ADGRG7: variants seen among roughly 807,000 people sequenced by gnomAD.
ADGRG7 encodes adhesion G protein-coupled receptor G7.
A neutral mutation model predicts 88.6 loss-of-function variants in ADGRG7; 82 were observed. The ratio of observed to expected loss-of-function variants is 0.93; its 90% CI spans 0.77 to 1.11. ADGRG7 has a LOEUF of 1.11. Among genes scored for constraint, ADGRG7 ranks in the 50% most tolerant of loss-of-function variants. ADGRG7 has a pLI of 0.00. For missense variants in ADGRG7, 945 were observed against 953.4 expected, an observed-to-expected ratio of 0.99 and a Z score of 0.12; for synonymous variants, 381 against 345.2, an observed-to-expected ratio of 1.10 and a Z score of -1.15.
chr3:100,631,976 C>T (rs927014438), intron 3 of ADGRG7, among the ~76,000 whole-genome samples: 1 of 151,980 alleles, frequency 6.6e-6, no homozygotes, highest in Non-Finnish European at 1.5e-5. Context: ...TTACTCACAG[C>T]GTAAAAGGGG....
At chr3:100,651,705 A>T (rs1046434784) in intron 11 of ADGRG7, among the ~76,000 whole-genome samples, 4 of 152,190 alleles carry the variant, frequency 2.6e-5, no homozygotes, top group Admixed American at 2.0e-4. Context: ...TAAAGAGAGA[A>T]AAAACAAAAC....
At chr3:100,644,213 G>C (rs6441384) in intron 8 of ADGRG7, among the ~76,000 whole-genome samples, 99,180 of 151,754 alleles carry the variant, frequency 0.65, 33,223 homozygotes, top group East Asian at 0.99. Flanking sequence ...AAATCAAACA[G>C]ACACACTTAC....
At chr3:100,642,206 A>T (rs1004892471) in intron 6 of ADGRG7, among the ~76,000 whole-genome samples, 6 of 152,216 alleles carry the variant, frequency 3.9e-5, no homozygotes, top group African/African-American at 1.4e-4. Flanking sequence ...ACCTCTACAT[A>T]GATACTCAAC....
intron 5 of ADGRG7, 141 bp from the exon 6 acceptor site, chr3:100,637,161 C>T: frequency 1.7e-6 from 1 of 598,442 alleles, no homozygotes; most frequent in Non-Finnish European, 3.0e-6. Context: ...AAAGAATAAA[C>T]CTTTAATTTT....
At chr3:100,692,161 C>T (rs2094995028) in intron 15 of ADGRG7, among the ~76,000 whole-genome samples, 1 of 152,172 alleles carries the variant, frequency 6.6e-6, no homozygotes, top group African/African-American at 2.4e-5. Flanking sequence ...GTGTGGGGAG[C>T]TGCTTGGCTT....
intron 15 of ADGRG7, among the ~76,000 whole-genome samples, chr3:100,674,905 T>C (rs2094963061): frequency 6.6e-6 from 1 of 152,222 alleles, no homozygotes; most frequent in Non-Finnish European, 1.5e-5. Context: ...TTGTTTGATG[T>C]TGGCATATAG....
chr3:100,635,960 C>A, intron 5 of ADGRG7, 134 bp downstream of exon 5: 3 of 620,388 alleles, frequency 4.8e-6, no homozygotes, highest in African/African-American at 1.8e-5. Flanking sequence ...TGCTTAAAGG[C>A]ATTTTGCATA....
chr3:100,687,507 G>C (rs2149042871), intron 15 of ADGRG7, among the ~76,000 whole-genome samples: 1 of 152,220 alleles, frequency 6.6e-6, no homozygotes, highest in East Asian at 1.9e-4. Context: ...GATATTGGCT[G>C]TGCGTTTGTC....
chr3:100,667,463 G>A (rs2094953376), intron 14 of ADGRG7, among the ~76,000 whole-genome samples: 1 of 152,176 alleles, frequency 6.6e-6, no homozygotes, highest in African/African-American at 2.4e-5. Flanking sequence ...TGCTCAGAAT[G>A]ATGGTTTCCA....
intron 8 of ADGRG7, among the ~76,000 whole-genome samples, chr3:100,644,720 A>G (rs1025449383): frequency 6.6e-6 from 1 of 151,980 alleles, no homozygotes; most frequent in African/African-American, 2.4e-5. Flanking sequence ...TTGTAGAGAC[A>G]GAATCTCGCT....
chr3:100,682,184 C>T (rs2094974330), intron 15 of ADGRG7, among the ~76,000 whole-genome samples: 1 of 152,146 alleles, frequency 6.6e-6, no homozygotes, highest in Non-Finnish European at 1.5e-5. Context: ...GGGAACCCAC[C>T]CCCGGGAGCT....
intron 15 of ADGRG7, among the ~76,000 whole-genome samples, chr3:100,679,611 A>C (rs1420184300): frequency 6.6e-6 from 1 of 152,230 alleles, no homozygotes; most frequent in African/African-American, 2.4e-5. Flanking sequence ...TGGGAAGTGA[A>C]AGAAAAGCTC....
intron 15 of ADGRG7, among the ~76,000 whole-genome samples, chr3:100,684,468 A>C (rs948718200): frequency 6.6e-6 from 1 of 151,930 alleles, no homozygotes; most frequent in Non-Finnish European, 1.5e-5. Context: ...GGGTCACACT[A>C]TGTTGTCCAG....
chr3:100,637,286 A>G lies in ADGRG7; in HGVS notation c.598-16A>G, dbSNP rs771782333. 22 of 1,530,968 alleles carry G rather than the reference A, an allele frequency of 1.4e-5. No homozygotes were observed. In the South Asian group the frequency reaches 1.9e-4, roughly 13 times the overall value. 94.8% of individuals were successfully genotyped at this position (1,530,968 alleles called of 1,614,324 possible). On this transcript the variant is annotated splice_polypyrimidine_tract_variant and intron_variant, in intron 5 of 15. Coordinates refer to ENST00000273352, the MANE Select transcript of ADGRG7 (RefSeq NM_032787.3). ...GATATATGCTTCTCTGATGATCAGT[A>G]TCTTCTCTTTGGCAGGCAAAGAAAG...
rs9876666 is a variant in ADGRG7 at position 100,695,137 on chromosome 3, G to C, written c.*136G>C. On this transcript the variant is annotated 3_prime_UTR_variant, in exon 16 of 16. Coordinates refer to ENST00000273352, the MANE Select transcript of ADGRG7 (RefSeq NM_032787.3). ...CAGGATTAAGAATTAGATAAAACCTGTTGTTTATTATTATTCGGCATAATG... is the reference window on the plus strand; with the variant it reads ...CAGGATTAAGAATTAGATAAAACCTCTTGTTTATTATTATTCGGCATAATG... 4,694 of 858,432 alleles carry C rather than the reference G, an allele frequency of 5.5e-3. 158 individuals are homozygous for C. In the African/African-American group the frequency reaches 0.07, roughly 13 times the overall value. 53.2% of individuals were successfully genotyped at this position (858,432 alleles called of 1,614,324 possible).
chr3:100,630,789 G>A lies in ADGRG7; in HGVS notation c.314G>A (p.Cys105Tyr). The A allele has an allele frequency of 6.7e-7, 1 of 1,482,922 alleles. No homozygotes were observed. Among genetic ancestry groups the A allele is most frequent in the Non-Finnish European group, 9.0e-7 (1 of 1,116,724 alleles). 91.9% of individuals were successfully genotyped at this position (1,482,922 alleles called of 1,614,324 possible). A position where few individuals can be genotyped will look rare whatever the true frequency, so the allele number is the denominator to read the frequency against. The change falls in exon 3 of 16, where the codon TGT (cysteine) becomes TAT (tyrosine). Residue 105 changes from cysteine to tyrosine, a missense_variant. Physicochemically the swap from Cys to Tyr is radical, Grantham distance 194. Coordinates refer to ENST00000273352, the MANE Select transcript of ADGRG7 (RefSeq NM_032787.3). ...VGRYGPSLQT[C>Y]GKDTPNAGNP... ...AGATATGGACCATCCTTGCAAACATGTGGCAAGGATACTCCAAATGGTATG... is the reference window on the plus strand; with the variant it reads ...AGATATGGACCATCCTTGCAAACATATGGCAAGGATACTCCAAATGGTATG...
chr3:100,692,950 G>A (rs1275202652), intron 15 of ADGRG7, among the ~76,000 whole-genome samples: 1 of 152,160 alleles, frequency 6.6e-6, no homozygotes, highest in Non-Finnish European at 1.5e-5. Context: ...TTGTTTACAC[G>A]TGAAACTTCT....
rs1414267209 is a variant in ADGRG7, at chr3:100,635,748, A to G, written c.519A>G (p.Lys173=). 6.2e-7 allele frequency: 1 copy of G among 1,614,080 alleles called. No homozygotes were observed. Among genetic ancestry groups the G allele is most frequent in the Non-Finnish European group, 8.5e-7 (1 of 1,179,940 alleles). Residue 173 remains lysine (K), a synonymous_variant, in exon 5 of 16, where the codon AAA becomes AAG. Coordinates refer to ENST00000273352, the MANE Select transcript of ADGRG7 (RefSeq NM_032787.3). ...EVQILTSDAN[K]LTAENITSAT... ...AGATTTTAACATCTGATGCCAATAA[A>G]TTAACTGCTGAGAACATCACTAGTG...
Position 100,695,170 on chromosome 3 carries a change from T to C in ADGRG7, c.*169T>C, listed in dbSNP as rs1259442259. The C allele has an allele frequency of 8.8e-5, 58 of 659,038 alleles. No homozygotes were observed. Among genetic ancestry groups the C allele is most frequent in the Non-Finnish European group, 4.5e-5 (18 of 400,800 alleles). The allele number at this position is 659,038 out of a possible 1,614,324, so 40.8% of individuals were successfully genotyped here. A position where few individuals can be genotyped will look rare whatever the true frequency, so the allele number is the denominator to read the frequency against. On this transcript the variant is annotated 3_prime_UTR_variant, in exon 16 of 16. Transcript: ENST00000273352. The stretch of plus-strand genomic sequence containing the variant: ...TTATTATTCGGCATAATGGACTTGG[T>C]AGTTTTTCTATTTTTCAATAGATTT...
Sources: gnomAD v4.1 joint callset for allele counts (sites outside exome capture counted in the v4.1 genomes callset) on GRCh38, gnomAD v4.1.1 for gene constraint, MANE v1.5 for transcripts, NCBI Gene and HGNC (gene_info 2026-07-23, HGNC 2026-07-21) for gene names.